The following PAN3 variants were observed in gnomAD, a reference collection of about 807,000 sequenced individuals.
The protein encoded by PAN3 is poly(A) specific ribonuclease subunit PAN3, also known as PAN2-PAN3 deadenylation complex subunit PAN3.
Under a neutral mutation model 96.2 loss-of-function variants are expected in PAN3, and 19 were observed. The ratio of observed to expected loss-of-function variants is 0.20; its 90% CI spans 0.14 to 0.29. The LOEUF is 0.29. PAN3 is among the 10% of genes least tolerant of loss of function. The pLI is 1.00. For missense variants in PAN3, 882 were observed against 1,108.1 expected (o/e 0.80, Z 2.90); for synonymous variants, 433 against 406.6 (o/e 1.06, Z -0.78).
At chr13:28,234,624 T>C (rs965026692) in intron 6 of PAN3, among the ~76,000 whole-genome samples, 4 of 152,188 alleles carry the variant, frequency 2.6e-5, no homozygotes, top group Non-Finnish European at 5.9e-5. Flanking sequence ...CTCAATTCAT[T>C]TTAGAATTTA....
chr13:28,192,176 TCTCCTGCCTCAGC>T (rs1486622276), intron 4 of PAN3, among the ~76,000 whole-genome samples: 1 of 151,824 alleles, frequency 6.6e-6, no homozygotes, highest in Admixed American at 6.6e-5. Context: ...TTCAAGAGAT[TCTCCTGCCTCAGC>T]CTCCTGAGTC....
At chr13:28,186,907 C>CT (rs1423502692) in intron 4 of PAN3, among the ~76,000 whole-genome samples, 6 of 152,142 alleles carry the variant, frequency 3.9e-5, no homozygotes, top group Non-Finnish European at 8.8e-5. Context: ...ATGGAAATAA[C>CT]TTTCTTGTTT....
intron 17 of PAN3, among the ~76,000 whole-genome samples, chr13:28,286,227 C>T (rs1868956364): frequency 6.6e-6 from 1 of 152,154 alleles, no homozygotes; most frequent in Admixed American, 6.5e-5. Context: ...GTGGTATAAG[C>T]CTGACAGCCA....
chr13:28,241,686 G>C (rs75843700), intron 6 of PAN3, among the ~76,000 whole-genome samples: 1 of 152,192 alleles, frequency 6.6e-6, no homozygotes, highest in Non-Finnish European at 1.5e-5. Context: ...TATAAACACA[G>C]TGTCTGTGTT....
chr13:28,148,342 G>T (rs1033091139), intron 1 of PAN3, among the ~76,000 whole-genome samples: 4 of 152,032 alleles, frequency 2.6e-5, no homozygotes, highest in Non-Finnish European at 5.9e-5. Flanking sequence ...GAGTACTGTG[G>T]TACAATCATA....
At position 28,262,178 on chromosome 13, in the gene PAN3, A is replaced by T. The variant is rs570499356; in HGVS notation, c.1411+720A>T. Among the ~76,000 whole-genome samples the T allele has an allele frequency of 5.3e-5, 8 of 152,314 alleles. No homozygotes were observed. In the South Asian group the frequency reaches 1.7e-3, roughly 32 times the overall value. Reference sequence around the variant, plus strand: ...TTACATATGAGGAATACTGAAGTTGACAGGTTAAGTAACTTAACCTTCAGG... The same window carrying T: ...TTACATATGAGGAATACTGAAGTTGTCAGGTTAAGTAACTTAACCTTCAGG... On this transcript the variant is annotated intron_variant, in intron 9 of 18. Coordinates refer to ENST00000380958, the MANE Select transcript of PAN3 (RefSeq NM_175854.8).
intron 5 of PAN3, among the ~76,000 whole-genome samples, chr13:28,213,787 A>G (rs1231309860): frequency 6.6e-6 from 1 of 152,124 alleles, no homozygotes; most frequent in Admixed American, 6.5e-5. Flanking sequence ...TTAAAAATGC[A>G]TTAAAAGTAG....
Position 28,163,551 on chromosome 13 carries a change from TAC to T in PAN3, c.431-10719_431-10718del, listed in dbSNP as rs1873145785. On this transcript the variant is annotated intron_variant, in intron 1 of 18. Coordinates refer to ENST00000380958, the MANE Select transcript of PAN3 (RefSeq NM_175854.8). ...TTTTTTCAGATGAAGAAATGAAATTTACAGTTACTTGCTCATGCTCATATAGT... is the reference window on the plus strand; with the variant it reads ...TTTTTTCAGATGAAGAAATGAAATTTAGTTACTTGCTCATGCTCATATAGT... 2.0e-5 allele frequency among the ~76,000 whole-genome samples: 3 copies of T among 152,324 alleles called. No individual in the cohort carries two copies. In the South Asian group the frequency reaches 6.2e-4, roughly 32 times the overall value.
intron 7 of PAN3, 110 bp from the exon 8 acceptor site, chr13:28,260,337 T>G: frequency 3.1e-5 from 23 of 735,192 alleles, no homozygotes; most frequent in Non-Finnish European, 4.6e-5. Context: ...GAGCTTGTAG[T>G]GAGCCGAGAT....
chr13:28,263,522 G>A (rs1885907990), intron 9 of PAN3, among the ~76,000 whole-genome samples: 1 of 152,058 alleles, frequency 6.6e-6, no homozygotes, highest in South Asian at 2.1e-4. Context: ...TTGTAGAGAG[G>A]GTTTCACCAT....
At chr13:28,211,236 A>C (rs952959827) in intron 5 of PAN3, among the ~76,000 whole-genome samples, 4 of 152,022 alleles carry the variant, frequency 2.6e-5, no homozygotes, top group Non-Finnish European at 5.9e-5. Flanking sequence ...AGATCACTTT[A>C]ACAAGGCAAA....
chr13:28,259,776 T>A (rs1885536375), intron 7 of PAN3, among the ~76,000 whole-genome samples: 2 of 151,972 alleles, frequency 1.3e-5, no homozygotes, highest in African/African-American at 4.8e-5. Context: ...GTAGCTGGGA[T>A]TACAGGCTTG....
At chr13:28,286,814 T>C (rs765353416) in intron 17 of PAN3, among the ~76,000 whole-genome samples, 1 of 152,202 alleles carries the variant, frequency 6.6e-6, no homozygotes. Flanking sequence ...GAGTGACCTT[T>C]GCAAACATAC....
Position 28,253,274 on chromosome 13 carries a change from T to C in PAN3, c.1001-3018T>C, listed in dbSNP as rs150436117. The stretch of plus-strand genomic sequence containing the variant: ...TATTTTAAACTACTTGTTCCTGTAG[T>C]GTGGTTCTATTCTTTCTTGCTGTTT... On this transcript the variant is annotated intron_variant, in intron 6 of 18. Coordinates refer to ENST00000380958, the MANE Select transcript of PAN3 (RefSeq NM_175854.8). Among the ~76,000 whole-genome samples, 430 of 151,966 alleles carry C rather than the reference T, an allele frequency of 2.8e-3. 2 individuals are homozygous for C. Among genetic ancestry groups the C allele is most frequent in the Non-Finnish European group, 4.5e-3 (304 of 67,858 alleles).
At chr13:28,155,206 A>T (rs892766706) in intron 1 of PAN3, among the ~76,000 whole-genome samples, 3 of 152,128 alleles carry the variant, frequency 2.0e-5, no homozygotes, top group African/African-American at 7.2e-5. Context: ...GACGTAGTAT[A>T]TGTGTTCTCT....
chr13:28,215,278 A>G (rs1160536227), intron 5 of PAN3: 12 of 708,734 alleles, frequency 1.7e-5, no homozygotes, highest in Non-Finnish European at 3.1e-5. Context: ...GGTGTCTACA[A>G]AATTGGTGGT....
intron 12 of PAN3, 24 bp from the exon 13 acceptor site, chr13:28,270,677 T>A: frequency 6.3e-7 from 1 of 1,595,646 alleles, no homozygotes; most frequent in Non-Finnish European, 8.5e-7. Flanking sequence ...AAGATGTCAT[T>A]TTTTGGATTT....
At chr13:28,146,600 C>T (rs1226079290) in intron 1 of PAN3, among the ~76,000 whole-genome samples, 1 of 152,064 alleles carries the variant, frequency 6.6e-6, no homozygotes, top group East Asian at 1.9e-4. Context: ...TAACCTGTTG[C>T]TTCTAGGCCA....
At chr13:28,226,442 G>T (rs1048522156) in intron 6 of PAN3, among the ~76,000 whole-genome samples, 1 of 152,008 alleles carries the variant, frequency 6.6e-6, no homozygotes, top group Non-Finnish European at 1.5e-5. Flanking sequence ...TGGTAGTTTG[G>T]CATTAAAGTA....
Sources: gnomAD v4.1 joint callset for allele counts (sites outside exome capture counted in the v4.1 genomes callset) on GRCh38, gnomAD v4.1.1 for gene constraint, MANE v1.5 for transcripts, NCBI Gene and HGNC (gene_info 2026-07-23, HGNC 2026-07-21) for gene names.